Variants in ZNF433 observed in about 807,000 individuals in gnomAD.
ZNF433 encodes the protein zinc finger protein 433.
Under a neutral mutation model 10.6 loss-of-function variants are expected in ZNF433, and 12 were observed. The observed-to-expected ratio is 1.13, with a 90% CI of 0.72 to 1.83. The LOEUF is 1.83. Ranked by LOEUF, ZNF433 falls within the 40% of genes most tolerant of loss-of-function variation. The pLI, the probability that ZNF433 is intolerant of heterozygous loss-of-function variation, is 0.00. For synonymous variants in ZNF433, 272 were observed against 271.3 expected, an observed-to-expected ratio of 1.00 and a Z score of -0.02; for missense variants, 737 against 798.0, an observed-to-expected ratio of 0.92 and a Z score of 0.92.
chr19:12,015,142 T>G lies in ZNF433; in HGVS notation c.1716A>C (p.Ser572=), dbSNP rs1221268517. The G allele has an allele frequency of 6.2e-7, 1 of 1,613,066 alleles. No homozygotes were observed. Among genetic ancestry groups the G allele is most frequent in the East Asian group, 2.2e-5 (1 of 44,810 alleles). The change falls in exon 4 of 4, where the codon TCA becomes TCC. Residue 572 remains serine (S), a synonymous_variant. Transcript: ENST00000550507. ...KQCGKAFGSA[S]HLQMHGRTHT... ...GAGTCCTTCCATGCATTTGAAGGTG[T>G]GAGGCAGATCCAAAGGCTTTCCCAC...
At chr19:12,021,320 T>A (rs900959996) in intron 1 of ZNF433, among the ~76,000 whole-genome samples, 2 of 152,136 alleles carry the variant, frequency 1.3e-5, no homozygotes, top group African/African-American at 4.8e-5. Flanking sequence ...CACAGCCCTC[T>A]TCTTGTCTAG....
In ZNF433 at chr19:12,021,511, G is replaced by A. The variant is rs1044135487; in HGVS notation, c.4-3219C>T. ...TTCACCAAGTTCCATCCTTTCCCTC[G>A]CCTTGCCCTGTAATATAGGAGAGAG... is the stretch of plus-strand genomic sequence containing the variant. On this transcript the variant is annotated intron_variant, in intron 1 of 3. Transcript: ENST00000550507. Among the ~76,000 whole-genome samples the A allele has an allele frequency of 4.0e-5, 6 of 151,842 alleles. No individual in the cohort carries two copies. The South Asian group carries it at 8.3e-4, about 21-fold the overall frequency.
chr19:12,028,718 G>C (rs1253842088), intron 1 of ZNF433, among the ~76,000 whole-genome samples: 1 of 151,552 alleles, frequency 6.6e-6, no homozygotes, highest in Non-Finnish European at 1.5e-5. Flanking sequence ...TTTTGTTTAG[G>C]GACAGGTTCT....
At chr19:12,019,939 TCA>T (rs2145423109) in intron 1 of ZNF433, among the ~76,000 whole-genome samples, 1 of 151,938 alleles carries the variant, frequency 6.6e-6, no homozygotes, top group African/African-American at 2.4e-5. Flanking sequence ...AAATAATAAA[TCA>T]CAGTACCAAG....
intron 1 of ZNF433, among the ~76,000 whole-genome samples, chr19:12,022,395 C>G (rs1361715119): frequency 6.6e-6 from 1 of 152,162 alleles, no homozygotes; most frequent in South Asian, 2.1e-4. Context: ...TGGCTCTCAG[C>G]TCTGAAGGCT....
chr19:12,035,389 A>C (rs1350018527), intron 1 of ZNF433, 148 bp downstream of exon 1: 8 of 1,162,822 alleles, frequency 6.9e-6, no homozygotes, highest in Non-Finnish European at 9.7e-6. Flanking sequence ...CTGTGGGGCC[A>C]AGGGGACCAA....
At chr19:12,027,434 G>A (rs915034614) in intron 1 of ZNF433, among the ~76,000 whole-genome samples, 1 of 152,198 alleles carries the variant, frequency 6.6e-6, no homozygotes, top group East Asian at 1.9e-4. Flanking sequence ...TGCCCACACT[G>A]AAGGTTGTTC....
At chr19:12,031,570 G>C (rs1324946853) in intron 1 of ZNF433, among the ~76,000 whole-genome samples, 1 of 152,180 alleles carries the variant, frequency 6.6e-6, no homozygotes, top group African/African-American at 2.4e-5. Context: ...CTTGGACCCA[G>C]GAGGTGGAGG....
At chr19:12,018,099 T>G in intron 2 of ZNF433, 67 bp downstream of exon 2, 1 of 1,498,822 alleles carries the variant, frequency 6.7e-7, no homozygotes. Flanking sequence ...CTAAAAATAC[T>G]TGTTCTCAGA....
chr19:12,015,648 T>G lies in ZNF433; in HGVS notation c.1210A>C (p.Ser404Arg). The change falls in exon 4 of 4, where the codon AGT becomes CGT. Residue 404 changes from serine to arginine, a missense_variant. Ser to Arg is a moderately radical substitution (Grantham distance 110). Coordinates refer to ENST00000550507, the MANE Select transcript of ZNF433 (RefSeq NM_001308348.2). ...NQCGKAFNSSSSFRYHERTHT... is the reference protein window; with the variant it reads ...NQCGKAFNSSRSFRYHERTHT... ...GTTCTTTCATGATATCGGAAGGAAC[T>G]GGAAGAATTAAAGGCTTTACCACAT... 1 of 1,613,518 alleles carries G rather than the reference T, an allele frequency of 6.2e-7. No individual in the cohort carries two copies.
At chr19:12,030,073 C>G (rs1974935495) in intron 1 of ZNF433, 1 of 335,952 alleles carries the variant, frequency 3.0e-6, no homozygotes, top group Non-Finnish European at 5.4e-6. Context: ...CAGAGCAAGA[C>G]TCCATCTCAA....
chr19:12,031,051 A>G (rs1195962688), intron 1 of ZNF433, among the ~76,000 whole-genome samples: 1 of 152,128 alleles, frequency 6.6e-6, no homozygotes, highest in African/African-American at 2.4e-5. Context: ...TACTCCCAGC[A>G]CTTTGGGAGG....
intron 1 of ZNF433, among the ~76,000 whole-genome samples, chr19:12,031,319 A>C (rs990479176): frequency 8.0e-5 from 12 of 149,508 alleles, no homozygotes; most frequent in Admixed American, 2.0e-4. Context: ...AACAAAACAA[A>C]AAAAAAAACA....
chr19:12,026,465 A>G, intron 1 of ZNF433: 1 of 335,532 alleles, frequency 3.0e-6, no homozygotes, highest in South Asian at 2.3e-5. Context: ...GGTGATCACC[A>G]TTGCCATGAG....
chr19:12,019,107 CA>C (rs1974363449), intron 1 of ZNF433, among the ~76,000 whole-genome samples: 4 of 133,506 alleles, frequency 3.0e-5, no homozygotes, highest in Admixed American at 1.5e-4. Context: ...AACAAAAAGG[CA>C]AACATTTATC....
In ZNF433 at chr19:12,015,395, C is replaced by A. The variant is rs757463715; in HGVS notation, c.1463G>T (p.Ser488Ile). 6.2e-7 allele frequency: 1 copy of A among 1,614,148 alleles called. No individual in the cohort carries two copies. Among genetic ancestry groups the A allele is most frequent in the Admixed American group, 1.7e-5 (1 of 60,014 alleles). ...AGTCCTTTCATGTCTATGAAATAAA[C>A]TGGGCAAACTGAATGTTTTCCCATA... ...KGYGKTFSLPSLFHRHERTHT... is the reference protein window; with the variant it reads ...KGYGKTFSLPILFHRHERTHT... Residue 488 changes from serine to isoleucine, a missense_variant, in exon 4 of 4, where the codon AGT becomes ATT. Transcript: ENST00000550507.
rs544069425 is a variant in ZNF433 at position 12,016,250 on chromosome 19, G to A, written c.608C>T (p.Ala203Val). The A allele has an allele frequency of 2.5e-6, 4 of 1,614,146 alleles. No individual in the cohort carries two copies. The highest frequency in any genetic ancestry group is 3.4e-6 in the Non-Finnish European group (4 of 1,180,024). The stretch of plus-strand genomic sequence containing the variant: ...AAGATACAAACTGAGAAACATCAAG[G>A]CTTTCCCACAAAATTTACACTTATA... ...GPYKCKFCGK[A>V]LMFLSLYLIH... Residue 203 changes from alanine (A) to valine (V), a missense_variant, in exon 4 of 4, where the codon GCC (alanine) becomes GTC (valine). Coordinates refer to ENST00000550507, the MANE Select transcript of ZNF433 (RefSeq NM_001308348.2).
Position 12,017,911 on chromosome 19 carries a change from T to C in ZNF433, c.156A>G (p.Ile52Met), listed in dbSNP as rs77897724. ...TCCTTAGATTTTCGTACTCTACATATATGTTCTGGGGTTTCCATTTTTTCC... is the reference window on the plus strand; with the variant it reads ...TCCTTAGATTTTCGTACTCTACATACATGTTCTGGGGTTTCCATTTTTTCC... ...SIGKKWKPQN[I>M]YVEYENLRRN... Residue 52 changes from isoleucine (I) to methionine (M), a missense_variant, in exon 3 of 4, where the codon ATA (isoleucine) becomes ATG (methionine). Transcript: ENST00000550507. The C allele has an allele frequency of 4.1e-3, 6,588 of 1,594,388 alleles. 334 individuals are homozygous for C. In the East Asian group the frequency reaches 0.11, roughly 26 times the overall value.
intron 1 of ZNF433, among the ~76,000 whole-genome samples, chr19:12,022,437 A>G (rs547777966): frequency 1.3e-5 from 2 of 152,104 alleles, no homozygotes; most frequent in African/African-American, 4.8e-5. Flanking sequence ...TCCACACTCC[A>G]TATTTCTCTG....
Sources: gnomAD v4.1 joint callset for allele counts (sites outside exome capture counted in the v4.1 genomes callset) on GRCh38, gnomAD v4.1.1 for gene constraint, MANE v1.5 for transcripts, NCBI Gene and HGNC (gene_info 2026-07-23, HGNC 2026-07-21) for gene names.